SPINK9: variants seen among roughly 807,000 people sequenced by gnomAD.
SPINK9 encodes serine protease inhibitor Kazal-type 9.
SPINK9 carries 3 observed loss-of-function variants against 10.8 expected under a neutral mutation model. The ratio of observed to expected loss-of-function variants is 0.28; its 90% CI spans 0.13 to 0.72. SPINK9 has a LOEUF of 0.72. SPINK9 is among the 30% of genes least tolerant of loss of function. The pLI, the probability that SPINK9 is intolerant of heterozygous loss-of-function variation, is 0.74. For missense variants in SPINK9, 101 were observed against 103.2 expected, an observed-to-expected ratio of 0.98 and a Z score of 0.09; for synonymous variants, 30 against 31.2, an observed-to-expected ratio of 0.96 and a Z score of 0.12.
chr5:148,330,153 G>T (rs149787666), intron 2 of SPINK9, among the ~76,000 whole-genome samples: 2,560 of 152,206 alleles, frequency 0.017, 69 homozygotes, highest in East Asian at 0.068. Context: ...TCTCTTTGTA[G>T]GTCACTAAGG....
intron 2 of SPINK9, among the ~76,000 whole-genome samples, chr5:148,328,540 T>C (rs1009132976): frequency 6.6e-6 from 1 of 152,334 alleles, no homozygotes; most frequent in African/African-American, 2.4e-5. Flanking sequence ...CAACACTATG[T>C]TGAATAGGAG....
At chr5:148,327,061 T>C (rs1030168661) in intron 2 of SPINK9, among the ~76,000 whole-genome samples, 29 of 152,310 alleles carry the variant, frequency 1.9e-4, no homozygotes, top group African/African-American at 6.5e-4. Flanking sequence ...ATGGTATTTC[T>C]AGTTCTAGAT....
chr5:148,329,562 T>C lies in SPINK9; in HGVS notation c.118+5694T>C, dbSNP rs181052480. Among the ~76,000 whole-genome samples the C allele has an allele frequency of 4.5e-3, 681 of 152,346 alleles. 4 individuals are homozygous for C. Among genetic ancestry groups the C allele is most frequent in the African/African-American group, 0.016 (655 of 41,572 alleles). ...CCTTCTGCTAGCTTTTGAATGTGTT[T>C]GCTCTTGCTTCTCTAGTTCTTTTAA... On this transcript the variant is annotated intron_variant, in intron 2 of 4. Coordinates refer to the SPINK9 transcript ENST00000511717.
At chr5:148,329,787 T>A (rs1422927866) in intron 2 of SPINK9, among the ~76,000 whole-genome samples, 2 of 152,232 alleles carry the variant, frequency 1.3e-5, no homozygotes, top group Non-Finnish European at 2.9e-5. Context: ...AGGAGCAGGT[T>A]GTTCAGTTTC....
At chr5:148,335,071 C>A (rs1757198681), upstream of SPINK9, among the ~76,000 whole-genome samples, 2 of 152,146 alleles carry the variant, frequency 1.3e-5, no homozygotes. Context: ...ACTAATACTT[C>A]CATTAGTAGT....
At chr5:148,328,433 G>A (rs1275786511) in intron 2 of SPINK9, among the ~76,000 whole-genome samples, 1 of 152,122 alleles carries the variant, frequency 6.6e-6, no homozygotes, top group African/African-American at 2.4e-5. Context: ...AGATATACAA[G>A]CATGTCATCT....
In SPINK9 at chr5:148,335,631, A is replaced by C; in HGVS notation, c.18A>C (p.Ile6=). MRATA[I]VLLLALTLAT... ...TCAGTACTATGAGAGCAACAGCCAT[A>C]GTCCTACTCTTGGCTCTGACACTTG... The change falls in exon 1 of 4, where the codon ATA becomes ATC. Residue 6 remains isoleucine, a synonymous_variant. Coordinates refer to ENST00000377906, the MANE Select transcript of SPINK9 (RefSeq NM_001040433.2). The C allele has an allele frequency of 1.2e-6, 2 of 1,613,702 alleles. No individual in the cohort carries two copies. Among genetic ancestry groups the C allele is most frequent in the Non-Finnish European group, 1.7e-6 (2 of 1,179,836 alleles).
intron 1 of SPINK9, among the ~76,000 whole-genome samples, chr5:148,321,975 C>T (rs973561264): frequency 2.6e-5 from 4 of 152,122 alleles, no homozygotes; most frequent in African/African-American, 9.7e-5. Context: ...TTGTTTTAGA[C>T]TAGAACTTGT....
At chr5:148,326,118 C>T (rs553575103) in intron 2 of SPINK9, among the ~76,000 whole-genome samples, 1 of 152,022 alleles carries the variant, frequency 6.6e-6, no homozygotes, top group Non-Finnish European at 1.5e-5. Flanking sequence ...TGAAGACATA[C>T]AAATGGTCAA....
At chr5:148,332,778 A>C (rs1390729173), upstream of SPINK9, among the ~76,000 whole-genome samples, 2 of 152,180 alleles carry the variant, frequency 1.3e-5, no homozygotes, top group African/African-American at 2.4e-5. Flanking sequence ...GCTGCTAAAT[A>C]ACTCACATTA....
chr5:148,329,970 A>C (rs1487172215), intron 2 of SPINK9, among the ~76,000 whole-genome samples: 1 of 152,188 alleles, frequency 6.6e-6, no homozygotes, highest in African/African-American at 2.4e-5. Context: ...GCTGAGAAGA[A>C]TGTATATTCT....
intron 2 of SPINK9, among the ~76,000 whole-genome samples, chr5:148,327,471 T>A (rs1303391503): frequency 1.3e-5 from 2 of 152,134 alleles, no homozygotes; most frequent in Non-Finnish European, 2.9e-5. Context: ...TTCACTCTGA[T>A]GGTGGTTTCT....
intron 1 of SPINK9, among the ~76,000 whole-genome samples, chr5:148,322,201 T>C (rs1011087368): frequency 3.9e-5 from 6 of 152,324 alleles, no homozygotes; most frequent in Non-Finnish European, 5.9e-5. Flanking sequence ...TTGTAATAGA[T>C]ATATTGATAT....
upstream of SPINK9, among the ~76,000 whole-genome samples, chr5:148,334,356 A>G (rs937764535): frequency 6.6e-6 from 1 of 152,182 alleles, no homozygotes; most frequent in African/African-American, 2.4e-5. Context: ...AATGAGGGCC[A>G]ATGCCAAGGC....
At chr5:148,336,315 C>A in intron 1 of SPINK9, 107 bp from the exon 2 acceptor site, 2 of 1,188,940 alleles carry the variant, frequency 1.7e-6, no homozygotes, top group Admixed American at 1.8e-5. Context: ...GAGAGACTTA[C>A]ATTTTTATGA....
At chr5:148,334,926 G>T (rs750519723), upstream of SPINK9, among the ~76,000 whole-genome samples, 1 of 152,142 alleles carries the variant, frequency 6.6e-6, no homozygotes, top group Non-Finnish European at 1.5e-5. Context: ...CTGGCAATTA[G>T]TTCAGGTGTG....
upstream of SPINK9, among the ~76,000 whole-genome samples, chr5:148,331,336 G>A (rs1757146901): frequency 6.6e-6 from 1 of 152,230 alleles, no homozygotes; most frequent in Non-Finnish European, 1.5e-5. Context: ...GATGAAACTA[G>A]AAGATATTAT....
chr5:148,325,080 G>A (rs1757042407), intron 2 of SPINK9, among the ~76,000 whole-genome samples: 1 of 152,000 alleles, frequency 6.6e-6, no homozygotes, highest in African/African-American at 2.4e-5. Flanking sequence ...AAGTTTTCAA[G>A]GTTAATCCAT....
intron 2 of SPINK9, among the ~76,000 whole-genome samples, chr5:148,328,585 T>C (rs1452037812): frequency 1.3e-5 from 2 of 152,208 alleles, no homozygotes; most frequent in Admixed American, 1.3e-4. Flanking sequence ...TGTGCCAGTT[T>C]TCAAAGGGAA....
Sources: gnomAD v4.1 joint callset for allele counts (sites outside exome capture counted in the v4.1 genomes callset) on GRCh38, gnomAD v4.1.1 for gene constraint, MANE v1.5 for transcripts, NCBI Gene and HGNC (gene_info 2026-07-23, HGNC 2026-07-21) for gene names.